The following B3GALT1 variants were observed in gnomAD, a reference collection of about 807,000 sequenced individuals.
The protein encoded by B3GALT1 is beta-1,3-galactosyltransferase 1.
In B3GALT1, 10 loss-of-function variants were observed where a neutral mutation model predicts 23.2. The ratio of observed to expected loss-of-function variants is 0.43; its 90% CI spans 0.27 to 0.73. The LOEUF (loss-of-function observed/expected upper bound fraction) is 0.73, where lower values mean the gene tolerates loss of function less well. Ranked by LOEUF, B3GALT1 falls within the 30% of genes least tolerant of loss-of-function variation. The pLI, the probability that B3GALT1 is intolerant of heterozygous loss-of-function variation, is 0.21. For synonymous variants in B3GALT1, 156 were observed against 141.5 expected, an observed-to-expected ratio of 1.10 and a Z score of -0.73; for missense variants, 299 against 405.4, an observed-to-expected ratio of 0.74 and a Z score of 2.25.
intron 1 of B3GALT1, among the ~76,000 whole-genome samples, chr2:167,477,440 G>GT (rs1699503075): frequency 6.6e-6 from 1 of 152,096 alleles, no homozygotes; most frequent in African/African-American, 2.4e-5. Context: ...GCCAAGAACA[G>GT]TTTAAGAATC....
At chr2:167,679,031 A>G (rs1360519251) in intron 3 of B3GALT1, among the ~76,000 whole-genome samples, 2 of 151,704 alleles carry the variant, frequency 1.3e-5, no homozygotes, top group Non-Finnish European at 2.9e-5. Context: ...ATCTTTTTAT[A>G]CCTATTCTTT....
rs569912339 is a variant in B3GALT1 at position 167,838,423 on chromosome 2, C to G, written c.-230+19630C>G. On this transcript the variant is annotated intron_variant, in intron 4 of 4. Coordinates refer to ENST00000392690, the MANE Select transcript of B3GALT1 (RefSeq NM_020981.4). ...CCTCTACGGAAATAAACTAGAAAAT[C>G]TAGCAGAAATGGATAAATTCCTCAA... 4.5e-3 allele frequency among the ~76,000 whole-genome samples: 691 copies of G among 152,368 alleles called. 1 individual carries two copies. Among genetic ancestry groups the G allele is most frequent in the African/African-American group, 0.014 (567 of 41,570 alleles).
chr2:167,496,097 G>A (rs1026346007), intron 2 of B3GALT1, among the ~76,000 whole-genome samples: 1 of 152,072 alleles, frequency 6.6e-6, no homozygotes, highest in Non-Finnish European at 1.5e-5. Context: ...TAGTACAAAT[G>A]TTGTTTAAGC....
intron 3 of B3GALT1, among the ~76,000 whole-genome samples, chr2:167,806,340 C>G (rs1193608572): frequency 1.1e-4 from 16 of 152,292 alleles, no homozygotes; most frequent in Non-Finnish European, 1.5e-4. Flanking sequence ...TGTCTGATTG[C>G]CCTGACCAGA....
chr2:167,455,385 A>T (rs760535869), intron 1 of B3GALT1, among the ~76,000 whole-genome samples: 1 of 152,186 alleles, frequency 6.6e-6, no homozygotes, highest in Non-Finnish European at 1.5e-5. Flanking sequence ...TTCATTAAAT[A>T]TATATATTTA....
intron 2 of B3GALT1, among the ~76,000 whole-genome samples, chr2:167,511,504 T>C (rs1050092699): frequency 1.3e-5 from 2 of 152,192 alleles, no homozygotes; most frequent in Non-Finnish European, 2.9e-5. Context: ...CCTGTGGAAC[T>C]GTGAGCCAAT....
intron 3 of B3GALT1, among the ~76,000 whole-genome samples, chr2:167,673,311 G>A (rs1360418950): frequency 6.6e-6 from 1 of 152,060 alleles, no homozygotes. Flanking sequence ...ACTTGTTAAT[G>A]TGCAGAATAA....
chr2:167,391,011 T>C (rs143146025), intron 1 of B3GALT1, among the ~76,000 whole-genome samples: 2 of 152,310 alleles, frequency 1.3e-5, no homozygotes, highest in African/African-American at 4.8e-5. Context: ...TTCCCAAATA[T>C]ACTATGAAAC....
At chr2:167,645,781 G>C (rs1024281403) in intron 2 of B3GALT1, among the ~76,000 whole-genome samples, 21 of 151,920 alleles carry the variant, frequency 1.4e-4, no homozygotes, top group African/African-American at 4.8e-4. Context: ...ACGTTGGTCA[G>C]GCTGGTCTCG....
chr2:167,486,808 G>C (rs932390615), intron 1 of B3GALT1, among the ~76,000 whole-genome samples: 3 of 152,046 alleles, frequency 2.0e-5, no homozygotes, highest in African/African-American at 7.2e-5. Context: ...CTGGCCAAAA[G>C]AAAGAATAGA....
intron 2 of B3GALT1, among the ~76,000 whole-genome samples, chr2:167,572,711 C>T (rs1484402952): frequency 6.6e-6 from 1 of 151,514 alleles, no homozygotes; most frequent in African/African-American, 2.4e-5. Flanking sequence ...TTAATACTGC[C>T]CTTGATGTGA....
chr2:167,373,226 A>T (rs564947017), intron 1 of B3GALT1, among the ~76,000 whole-genome samples: 48 of 152,282 alleles, frequency 3.2e-4, no homozygotes, highest in African/African-American at 9.9e-4. Context: ...ACTAATTCAA[A>T]ATGGATTATA....
chr2:167,417,734 A>T (rs1559090339), intron 1 of B3GALT1, among the ~76,000 whole-genome samples: 1 of 152,218 alleles, frequency 6.6e-6, no homozygotes, highest in African/African-American at 2.4e-5. Context: ...CACTTCACCC[A>T]TCAGGCCCAG....
chr2:167,400,076 G>C (rs1698162429), intron 1 of B3GALT1, among the ~76,000 whole-genome samples: 1 of 151,888 alleles, frequency 6.6e-6, no homozygotes, highest in African/African-American at 2.4e-5. Context: ...TCTGATTCCA[G>C]AGTGAAAGGT....
At chr2:167,546,731 C>T (rs1683643065) in intron 2 of B3GALT1, among the ~76,000 whole-genome samples, 2 of 152,204 alleles carry the variant, frequency 1.3e-5, no homozygotes, top group Non-Finnish European at 2.9e-5. Flanking sequence ...AGAACACCCC[C>T]TCTGCACATC....
intron 3 of B3GALT1, among the ~76,000 whole-genome samples, chr2:167,752,551 CA>C (rs1687754737): frequency 6.6e-6 from 1 of 151,082 alleles, no homozygotes; most frequent in Non-Finnish European, 1.5e-5. Flanking sequence ...ACCTTTCCAT[CA>C]GTGCAGAATA....
chr2:167,668,021 G>A (rs192365380), intron 3 of B3GALT1, among the ~76,000 whole-genome samples: 24 of 152,054 alleles, frequency 1.6e-4, no homozygotes, highest in African/African-American at 4.3e-4. Context: ...GAGGAGAGGC[G>A]CTCTGCTTTT....
chr2:167,303,462 T>C (rs1255229580), intron 1 of B3GALT1, among the ~76,000 whole-genome samples: 1 of 152,114 alleles, frequency 6.6e-6, no homozygotes, highest in Non-Finnish European at 1.5e-5. Context: ...TTTATGGGTA[T>C]GTCTGGGAGA....
At chr2:167,367,952 T>G (rs1258634125) in intron 1 of B3GALT1, among the ~76,000 whole-genome samples, 2 of 152,228 alleles carry the variant, frequency 1.3e-5, no homozygotes, top group Non-Finnish European at 2.9e-5. Context: ...CAATTTATTC[T>G]TCTACCAATC....
Sources: gnomAD v4.1 joint callset for allele counts (sites outside exome capture counted in the v4.1 genomes callset) on GRCh38, gnomAD v4.1.1 for gene constraint, MANE v1.5 for transcripts, NCBI Gene and HGNC (gene_info 2026-07-23, HGNC 2026-07-21) for gene names.